The following WWOX variants were observed in gnomAD, a reference collection of about 807,000 sequenced individuals.
WWOX encodes WW domain containing oxidoreductase, also known as WW domain-containing oxidoreductase.
In WWOX, 69 loss-of-function variants were observed where a neutral mutation model predicts 46.2. The ratio of observed to expected loss-of-function variants is 1.49; its 90% CI spans 1.23 to 1.82. The LOEUF (loss-of-function observed/expected upper bound fraction) is 1.82. WWOX is among the 40% of genes most tolerant of loss of function. The probability of loss-of-function intolerance (pLI) is 0.00; values close to 1 mark genes in which losing one functional copy is unlikely to be tolerated. For synonymous variants in WWOX, 359 were observed against 202.6 expected (o/e 1.77, Z -6.56); for missense variants, 919 against 542.6 (o/e 1.69, Z -6.89).
chr16:79,038,796 T>C (rs1212790872), intron 8 of WWOX, among the ~76,000 whole-genome samples: 1 of 152,154 alleles, frequency 6.6e-6, no homozygotes, highest in Non-Finnish European at 1.5e-5. Context: ...GTGACCCACC[T>C]GCCTCAGCCT....
chr16:78,801,146 G>C (rs1465963983), intron 8 of WWOX, among the ~76,000 whole-genome samples: 1 of 151,448 alleles, frequency 6.6e-6, no homozygotes, highest in African/African-American at 2.4e-5. Context: ...CTCCACCTCT[G>C]CCTCCCAGGT....
chr16:79,200,267 G>A (rs1395928505), intron 8 of WWOX, among the ~76,000 whole-genome samples: 1 of 152,146 alleles, frequency 6.6e-6, no homozygotes, highest in African/African-American at 2.4e-5. Context: ...CTGTGGAGAG[G>A]GCCTTGGCCA....
chr16:78,246,750 G>A (rs8047321), intron 5 of WWOX, among the ~76,000 whole-genome samples: 26,360 of 152,158 alleles, frequency 0.17, 2,491 homozygotes, highest in African/African-American at 0.23. Flanking sequence ...TCATGAGTCC[G>A]TTCTTTTAAC....
intron 5 of WWOX, among the ~76,000 whole-genome samples, chr16:78,171,609 T>C (rs1440196284): frequency 6.6e-6 from 1 of 152,162 alleles, no homozygotes; most frequent in African/African-American, 2.4e-5. Context: ...TTCTGAACGA[T>C]CTGTAGCTAA....
intron 8 of WWOX, among the ~76,000 whole-genome samples, chr16:78,857,791 C>T (rs919942907): frequency 2.0e-5 from 3 of 152,148 alleles, no homozygotes; most frequent in Non-Finnish European, 2.9e-5. Context: ...GAGAAAAGAA[C>T]ATCTGCTGTT....
At chr16:78,445,524 GC>G (rs1246322258) in intron 8 of WWOX, among the ~76,000 whole-genome samples, 2 of 152,298 alleles carry the variant, frequency 1.3e-5, no homozygotes, top group Admixed American at 1.3e-4. Context: ...TCCGACTTCA[GC>G]CCAGGAAGGA....
At position 78,465,641 on chromosome 16, in the gene WWOX, TA is replaced by T. The variant is rs1161869238; in HGVS notation, c.1056+32893del. 7.9e-5 allele frequency among the ~76,000 whole-genome samples: 12 copies of T among 152,390 alleles called. No homozygotes were observed. The South Asian group carries it at 1.2e-3, about 16-fold the overall frequency. On this transcript the variant is annotated intron_variant, in intron 8 of 8. Coordinates refer to ENST00000566780, the MANE Select transcript of WWOX (RefSeq NM_016373.4). ...GGAATGTGTTCATATTTTCCACCTA[TA>T]AAACCTGTTTTAGTAATTTACTCCC...
intron 4 of WWOX, among the ~76,000 whole-genome samples, chr16:78,121,884 C>G (rs1280521092): frequency 6.6e-6 from 1 of 152,104 alleles, no homozygotes; most frequent in African/African-American, 2.4e-5. Context: ...AGGTCTTGAA[C>G]TCCTGACATT....
intron 8 of WWOX, among the ~76,000 whole-genome samples, chr16:78,626,456 G>A (rs2046313991): frequency 6.6e-6 from 1 of 152,140 alleles, no homozygotes. Context: ...TTTTTATGAT[G>A]TTTTTCTCAT....
chr16:78,806,591 C>G (rs906088291), intron 8 of WWOX, among the ~76,000 whole-genome samples: 1 of 152,104 alleles, frequency 6.6e-6, no homozygotes, highest in Admixed American at 6.5e-5. Context: ...TACACATTGT[C>G]TCCATGTACC....
chr16:78,276,866 A>G (rs955148733), intron 5 of WWOX, among the ~76,000 whole-genome samples: 7 of 151,962 alleles, frequency 4.6e-5, no homozygotes, highest in Non-Finnish European at 8.8e-5. Flanking sequence ...GCATCTCCGA[A>G]CTCTCATTAA....
At chr16:78,440,749 G>C (rs1343603917) in intron 8 of WWOX, among the ~76,000 whole-genome samples, 1 of 151,726 alleles carries the variant, frequency 6.6e-6, no homozygotes, top group Non-Finnish European at 1.5e-5. Flanking sequence ...CTCCCAAGTA[G>C]CTGGGATTAC....
chr16:78,798,346 G>C (rs1052472915), intron 8 of WWOX, among the ~76,000 whole-genome samples: 1 of 152,232 alleles, frequency 6.6e-6, no homozygotes, highest in East Asian at 1.9e-4. Context: ...CCTTTCCCTA[G>C]CTAGAGGTCA....
intron 8 of WWOX, among the ~76,000 whole-genome samples, chr16:79,119,392 T>C (rs1375479689): frequency 6.6e-6 from 1 of 152,190 alleles, no homozygotes; most frequent in Non-Finnish European, 1.5e-5. Flanking sequence ...TAAGAAAAAG[T>C]GTATTTTGGA....
chr16:78,780,727 A>G (rs1236719718), intron 8 of WWOX, among the ~76,000 whole-genome samples: 1 of 152,208 alleles, frequency 6.6e-6, no homozygotes, highest in Non-Finnish European at 1.5e-5. Flanking sequence ...TCCCTGAGGC[A>G]GAAAGGAGCT....
chr16:78,413,832 C>T (rs548873074), intron 6 of WWOX, among the ~76,000 whole-genome samples: 13 of 151,604 alleles, frequency 8.6e-5, no homozygotes, highest in African/African-American at 2.9e-4. Context: ...GTCAGAAATG[C>T]AAAAATCTGG....
At chr16:78,590,150 C>CTCTCTCTG (rs1446917646) in intron 8 of WWOX, among the ~76,000 whole-genome samples, 1 of 151,742 alleles carries the variant, frequency 6.6e-6, no homozygotes, top group Non-Finnish European at 1.5e-5. Flanking sequence ...CATTCAGTCT[C>CTCTCTCTG]TCTCTCTCTC....
chr16:78,263,181 A>C (rs2079282201), intron 5 of WWOX, among the ~76,000 whole-genome samples: 1 of 152,212 alleles, frequency 6.6e-6, no homozygotes, highest in African/African-American at 2.4e-5. Flanking sequence ...TGGAGGTTGC[A>C]GTGAGCCAAG....
chr16:78,926,414 A>G (rs544744154), intron 8 of WWOX, among the ~76,000 whole-genome samples: 1 of 151,634 alleles, frequency 6.6e-6, no homozygotes, highest in East Asian at 1.9e-4. Flanking sequence ...AGCCTGGCCC[A>G]TGCAATTTGA....
Sources: gnomAD v4.1 joint callset for allele counts (sites outside exome capture counted in the v4.1 genomes callset) on GRCh38, gnomAD v4.1.1 for gene constraint, MANE v1.5 for transcripts, NCBI Gene and HGNC (gene_info 2026-07-23, HGNC 2026-07-21) for gene names.